RNF10: variants seen among roughly 807,000 people sequenced by gnomAD.
RNF10 encodes E3 ubiquitin-protein ligase RNF10.
A neutral mutation model predicts 91.4 loss-of-function variants in RNF10; 38 were observed. The ratio of observed to expected loss-of-function variants is 0.42; its 90% CI spans 0.32 to 0.54. The LOEUF (loss-of-function observed/expected upper bound fraction) is 0.54, where lower values mean the gene tolerates loss of function less well. RNF10 is among the 20% of genes least tolerant of loss of function. RNF10 has a pLI of 0.16. For synonymous variants in RNF10, 364 were observed against 366.3 expected (o/e 0.99, Z 0.07); for missense variants, 945 against 1,012.0 (o/e 0.93, Z 0.90).
chr12:120,534,777 C>T lies in RNF10; in HGVS notation c.-35C>T, dbSNP rs761193675. Reference sequence around the variant, plus strand: ...GCCTGGGTCCCCGCCGCGCCCGCTCCGCTCCGACTGCCGTCGCCGCCGAGG... The same window carrying T: ...GCCTGGGTCCCCGCCGCGCCCGCTCTGCTCCGACTGCCGTCGCCGCCGAGG... On this transcript the variant is annotated 5_prime_UTR_variant, in exon 1 of 17. Coordinates refer to ENST00000325954, the MANE Select transcript of RNF10 (RefSeq NM_014868.5). 2.6e-5 allele frequency: 40 copies of T among 1,536,944 alleles called. 1 individual carries two copies. Among genetic ancestry groups the T allele is most frequent in the East Asian group, 1.7e-4 (7 of 40,798 alleles).
chr12:120,539,489 T>C (rs1323534775), intron 1 of RNF10: 4 of 1,176,612 alleles, frequency 3.4e-6, no homozygotes, highest in Non-Finnish European at 4.5e-6. Context: ...TGCTTGTGAT[T>C]ACAGCATGAA....
rs141862202 is a variant in RNF10, at chr12:120,559,852, C to T, written c.968-874C>T. 8.6e-5 allele frequency among the ~76,000 whole-genome samples: 13 copies of T among 151,386 alleles called. No homozygotes were observed. The South Asian group carries it at 1.5e-3, about 17-fold the overall frequency. ...CTGGGATTATAGGCGCCCGTCACCACGCCCAGCTAATTTTTTGTATTTTTA... is the reference window on the plus strand; with the variant it reads ...CTGGGATTATAGGCGCCCGTCACCATGCCCAGCTAATTTTTTGTATTTTTA... On this transcript the variant is annotated intron_variant, in intron 6 of 16. Transcript: ENST00000325954.
At position 120,554,777 on chromosome 12, in the gene RNF10, C is replaced by T; in HGVS notation, c.614C>T (p.Thr205Ile). Reference sequence around the variant, plus strand: ...ACAGCTCATTTTGCTGATCCTGATACATTAGTTAACTGGGACTTTGTGGAA... The same window carrying T: ...ACAGCTCATTTTGCTGATCCTGATATATTAGTTAACTGGGACTTTGTGGAA... ...DYTAHFADPD[T>I]LVNWDFVEQV... The change falls in exon 4 of 17, where the codon ACA (threonine) becomes ATA (isoleucine). Residue 205 changes from threonine (T) to isoleucine (I), a missense_variant. Coordinates refer to ENST00000325954, the MANE Select transcript of RNF10 (RefSeq NM_014868.5). 2.5e-6 allele frequency: 4 copies of T among 1,614,102 alleles called. No individual in the cohort carries two copies. Among genetic ancestry groups the T allele is most frequent in the Non-Finnish European group, 3.4e-6 (4 of 1,179,944 alleles).
intron 1 of RNF10, 69 bp downstream of exon 1, chr12:120,535,037 T>C: frequency 2.7e-6 from 4 of 1,461,278 alleles, no homozygotes; most frequent in Non-Finnish European, 3.6e-6. Flanking sequence ...GTTGCTCTCA[T>C]CGGCTGGGTT....
intron 6 of RNF10, among the ~76,000 whole-genome samples, chr12:120,557,955 C>T (rs1049236946): frequency 2.6e-5 from 4 of 152,154 alleles, no homozygotes; most frequent in Non-Finnish European, 5.9e-5. Flanking sequence ...GTTCTGTGGT[C>T]AGCCAGTCTT....
intron 14 of RNF10, among the ~76,000 whole-genome samples, chr12:120,573,028 A>G (rs1487366864): frequency 2.6e-5 from 4 of 151,398 alleles, no homozygotes; most frequent in Admixed American, 2.0e-4. Context: ...AGATTCACTA[A>G]TTGTTACTAT....
chr12:120,567,363 A>G (rs1163324605), intron 13 of RNF10, among the ~76,000 whole-genome samples: 1 of 150,988 alleles, frequency 6.6e-6, no homozygotes, highest in Non-Finnish European at 1.5e-5. Context: ...TAGAAAGCCT[A>G]CCAATAAGAA....
intron 14 of RNF10, among the ~76,000 whole-genome samples, chr12:120,574,053 T>C (rs1228425515): frequency 6.6e-6 from 1 of 152,148 alleles, no homozygotes; most frequent in African/African-American, 2.4e-5. Context: ...CATCTCCCAT[T>C]AGGTCCCCAC....
intron 6 of RNF10, 144 bp downstream of exon 6, chr12:120,557,826 G>T (rs1874264291): frequency 4.5e-6 from 4 of 884,146 alleles, no homozygotes; most frequent in Non-Finnish European, 7.1e-6. Context: ...GTAGGTTAGG[G>T]TGGGGTTTGT....
At chr12:120,545,090 A>C (rs1289835730) in intron 1 of RNF10, among the ~76,000 whole-genome samples, 1 of 152,268 alleles carries the variant, frequency 6.6e-6, no homozygotes, top group Non-Finnish European at 1.5e-5. Flanking sequence ...TTAATGAGTT[A>C]GTGCTCTGTG....
At chr12:120,555,910 T>A (rs1873927610) in intron 4 of RNF10, among the ~76,000 whole-genome samples, 1 of 151,874 alleles carries the variant, frequency 6.6e-6, no homozygotes, top group Admixed American at 6.6e-5. Context: ...TGCCTCAGCC[T>A]CCTGAGTAGC....
intron 13 of RNF10, among the ~76,000 whole-genome samples, chr12:120,567,407 G>GTT (rs1381243578): frequency 1.3e-5 from 2 of 151,768 alleles, no homozygotes; most frequent in Non-Finnish European, 2.9e-5. Flanking sequence ...ACTGTAAAAT[G>GTT]TTTCACACCA....
At chr12:120,543,521 G>T (rs1001733316) in intron 1 of RNF10, among the ~76,000 whole-genome samples, 1 of 152,130 alleles carries the variant, frequency 6.6e-6, no homozygotes. Flanking sequence ...TAAAAATTAG[G>T]TCGGGCCTGA....
chr12:120,563,738 G>T, intron 9 of RNF10, 72 bp from the exon 10 acceptor site: 1 of 1,594,446 alleles, frequency 6.3e-7, no homozygotes, highest in Admixed American at 1.7e-5. Context: ...TGAGCCCTTG[G>T]GCATGGGGAG....
intron 14 of RNF10, 122 bp from the exon 15 acceptor site, chr12:120,575,509 T>C: frequency 9.5e-7 from 1 of 1,052,030 alleles, no homozygotes; most frequent in Admixed American, 1.9e-5. Context: ...GAGAAGTACC[T>C]GGAAAATCTT....
At chr12:120,538,539 A>G (rs757527818) in intron 1 of RNF10, among the ~76,000 whole-genome samples, 1 of 152,176 alleles carries the variant, frequency 6.6e-6, no homozygotes, top group African/African-American at 2.4e-5. Flanking sequence ...GCTTCATTCC[A>G]GTAGTGTTAA....
At position 120,576,851 on chromosome 12, in the gene RNF10, C is replaced by T; in HGVS notation, c.*185C>T. The T allele has an allele frequency of 1.5e-6, 1 of 672,626 alleles. No individual in the cohort carries two copies. The highest frequency in any genetic ancestry group is 1.8e-5 in the African/African-American group (1 of 54,872). The allele number at this position is 672,626 out of a possible 1,614,324, so 41.7% of individuals were successfully genotyped here. A position where few individuals can be genotyped will look rare whatever the true frequency, so the allele number is the denominator to read the frequency against. ...TTAAATACAGTGTATTTTCCAGCTT[C>T]CTGTCTTTACACCAAAATAAAGTAT... is the stretch of plus-strand genomic sequence containing the variant. On this transcript the variant is annotated 3_prime_UTR_variant, in exon 17 of 17. Transcript: ENST00000325954.
At position 120,577,365 on chromosome 12, in the gene RNF10, A is replaced by G. The variant is rs10515974; in HGVS notation, c.*699A>G. The G allele has an allele frequency of 0.015, 5,076 of 346,794 alleles. 259 individuals are homozygous for G. The highest frequency in any genetic ancestry group is 0.1 in the African/African-American group (4,685 of 45,238). The allele number at this position is 346,794 out of a possible 1,614,324, so 21.5% of individuals were successfully genotyped here. ...TACCCCTAAGATCGAGCTTGTTTTCAGTGACTGGCTTGAGTCATAGGAGGA... is the reference window on the plus strand; with the variant it reads ...TACCCCTAAGATCGAGCTTGTTTTCGGTGACTGGCTTGAGTCATAGGAGGA... On this transcript the variant is annotated 3_prime_UTR_variant, in exon 17 of 17. Transcript: ENST00000325954.
Position 120,567,883 on chromosome 12 carries a change from A to G in RNF10, c.2041+903A>G, listed in dbSNP as rs571374562. Among the ~76,000 whole-genome samples the G allele has an allele frequency of 4.9e-4, 74 of 150,752 alleles. 1 individual carries two copies. The East Asian group carries it at 0.013, about 26-fold the overall frequency. On this transcript the variant is annotated intron_variant, in intron 13 of 16. Transcript: ENST00000325954. ...TGGGTGTGTGTGTGTGTGTGTGTGT[A>G]TGTATATATATATATGTAAATGTAT...
Sources: allele counts gnomAD v4.1 joint callset (sites outside exome capture counted in the v4.1 genomes callset), GRCh38; gene constraint gnomAD v4.1.1; transcripts MANE v1.5; gene names NCBI Gene and HGNC (gene_info 2026-07-23, HGNC 2026-07-21).